Variants in ADCY5 observed in about 807,000 individuals in gnomAD.
ADCY5 encodes adenylate cyclase type 5.
In ADCY5, 30 loss-of-function variants were observed where a neutral mutation model predicts 119.7. That is an observed-to-expected ratio of 0.25 (90% CI 0.19 to 0.34). The LOEUF is 0.34. ADCY5 is among the 10% of genes least tolerant of loss of function. The pLI, the probability that ADCY5 is intolerant of heterozygous loss-of-function variation, is 1.00. For missense variants in ADCY5, 1,324 were observed against 1,775.2 expected (o/e 0.75, Z 4.57); for synonymous variants, 753 against 762.2 (o/e 0.99, Z 0.20).
At chr3:123,331,127 G>A in intron 4 of ADCY5, 111 bp from the exon 5 acceptor site, 1 of 1,266,756 alleles carries the variant, frequency 7.9e-7, no homozygotes, top group Non-Finnish European at 1.1e-6. Context: ...TTGCCTTTTA[G>A]GGCAGTGAGC....
At chr3:123,381,026 C>A (rs1472206645) in intron 1 of ADCY5, among the ~76,000 whole-genome samples, 1 of 152,174 alleles carries the variant, frequency 6.6e-6, no homozygotes, top group Non-Finnish European at 1.5e-5. Context: ...TCAGTTTTGT[C>A]ATATGTATCA....
intron 4 of ADCY5, 145 bp downstream of exon 4, chr3:123,332,419 C>T: frequency 1.5e-6 from 1 of 648,092 alleles, no homozygotes; most frequent in Non-Finnish European, 2.8e-6. Flanking sequence ...CTAAGGGTCC[C>T]CTCTGCCCAT....
chr3:123,433,761 C>T (rs1186016756), intron 1 of ADCY5, among the ~76,000 whole-genome samples: 2 of 152,174 alleles, frequency 1.3e-5, no homozygotes, highest in African/African-American at 4.8e-5. Flanking sequence ...AGCCTCCTCC[C>T]TTCCCTCCCT....
At chr3:123,323,574 C>A (rs1373175296) in intron 8 of ADCY5, among the ~76,000 whole-genome samples, 1 of 152,064 alleles carries the variant, frequency 6.6e-6, no homozygotes, top group Non-Finnish European at 1.5e-5. Context: ...CCCTCCACTT[C>A]CTGCTCAATG....
In ADCY5 at chr3:123,345,757, G is replaced by GACACACAC. The variant is rs1231817435; in HGVS notation, c.1406+2024_1406+2025insGTGTGTGT. 1.6e-3 allele frequency among the ~76,000 whole-genome samples: 99 copies of GACACACAC among 61,100 alleles called. 4 individuals carry two copies. In the South Asian group the frequency reaches 0.031, roughly 19 times the overall value. 40.1% of individuals were successfully genotyped at this position (61,100 alleles called of 152,430 possible). On this transcript the variant is annotated intron_variant, in intron 3 of 20. Coordinates refer to ENST00000462833, the MANE Select transcript of ADCY5 (RefSeq NM_183357.3). The stretch of plus-strand genomic sequence containing the variant: ...AGAGAGACAGACAGACAGACAGACA[G>GACACACAC]ACAGACAGACAGACACACACACACA...
chr3:123,402,326 G>C (rs1300730706), intron 1 of ADCY5, among the ~76,000 whole-genome samples: 3 of 152,266 alleles, frequency 2.0e-5, no homozygotes, highest in Non-Finnish European at 4.4e-5. Context: ...AGCAGACCCA[G>C]AGGTGGAATG....
At chr3:123,291,406 A>G in intron 17 of ADCY5, 30 bp from the exon 18 acceptor site, 4 of 1,590,788 alleles carry the variant, frequency 2.5e-6, no homozygotes, top group Non-Finnish European at 3.4e-6. Flanking sequence ...AGTCACCCAG[A>G]TGCCAATGTG....
intron 19 of ADCY5, among the ~76,000 whole-genome samples, 187 bp downstream of exon 19, chr3:123,289,563 C>T (rs144549491): frequency 1.1e-4 from 17 of 152,372 alleles, no homozygotes; most frequent in African/African-American, 3.6e-4. Flanking sequence ...GGGCGGATTC[C>T]GCTGTGAATG....
intron 13 of ADCY5, 75 bp from the exon 14 acceptor site, chr3:123,303,294 C>A: frequency 6.8e-7 from 1 of 1,461,860 alleles, no homozygotes; most frequent in South Asian, 1.3e-5. Context: ...GCCCACCAGG[C>A]CGCAGGCTCC....
At chr3:123,323,302 C>G (rs1941314401) in intron 8 of ADCY5, among the ~76,000 whole-genome samples, 1 of 152,222 alleles carries the variant, frequency 6.6e-6, no homozygotes, top group East Asian at 1.9e-4. Flanking sequence ...ACTGCAAATT[C>G]TTCCAAAATT....
At chr3:123,424,726 T>C (rs574788119) in intron 1 of ADCY5, among the ~76,000 whole-genome samples, 168 of 152,262 alleles carry the variant, frequency 1.1e-3, no homozygotes, top group African/African-American at 3.9e-3. Flanking sequence ...CACACTGGCT[T>C]TTCTAATGGG....
chr3:123,386,444 G>T (rs1041441490), intron 1 of ADCY5, among the ~76,000 whole-genome samples: 1 of 152,220 alleles, frequency 6.6e-6, no homozygotes, highest in Admixed American at 6.5e-5. Context: ...TCTCTGGAAG[G>T]AACTGGGGTG....
chr3:123,297,269 C>G, intron 16 of ADCY5, 84 bp downstream of exon 16: 2 of 1,553,822 alleles, frequency 1.3e-6, no homozygotes, highest in Non-Finnish European at 8.9e-7. Flanking sequence ...CACCAAGGCC[C>G]CTCCCACCTG....
intron 1 of ADCY5, among the ~76,000 whole-genome samples, chr3:123,424,634 C>T (rs1417042863): frequency 1.3e-5 from 2 of 152,180 alleles, no homozygotes; most frequent in Non-Finnish European, 2.9e-5. Context: ...ACCACCCTTA[C>T]AGCCCTTCCT....
chr3:123,328,945 G>T (rs942938984), intron 5 of ADCY5, 143 bp from the exon 6 acceptor site: 3 of 925,264 alleles, frequency 3.2e-6, no homozygotes, highest in Non-Finnish European at 4.8e-6. Context: ...GTCCAAGAAC[G>T]TTCAGCCTGA....
At chr3:123,446,442 C>T (rs1307385597) in intron 1 of ADCY5, among the ~76,000 whole-genome samples, 1 of 152,116 alleles carries the variant, frequency 6.6e-6, no homozygotes, top group African/African-American at 2.4e-5. Flanking sequence ...AGTGGAGCAG[C>T]ATGCAAACAA....
intron 3 of ADCY5, among the ~76,000 whole-genome samples, chr3:123,335,435 C>T (rs1358084925): frequency 6.6e-6 from 1 of 152,212 alleles, no homozygotes; most frequent in African/African-American, 2.4e-5. Flanking sequence ...AACTCGTTCG[C>T]ACCTCATAAC....
At chr3:123,409,705 T>C (rs546367778) in intron 1 of ADCY5, among the ~76,000 whole-genome samples, 2 of 152,260 alleles carry the variant, frequency 1.3e-5, no homozygotes, top group South Asian at 2.1e-4. Context: ...CAGCAAGCTC[T>C]CCAGGAGGTT....
chr3:123,291,385 A>G lies in ADCY5; in HGVS notation c.3064-9T>C. 1 of 1,602,438 alleles carries G rather than the reference A, an allele frequency of 6.2e-7. No homozygotes were observed. The highest frequency in any genetic ancestry group is 8.5e-7 in the Non-Finnish European group (1 of 1,171,292). On this transcript the variant is annotated splice_polypyrimidine_tract_variant and intron_variant, in intron 17 of 20. Transcript: ENST00000462833. ...TCTTTCTCCTCTGTGGCCTGAGAGA[A>G]AAAGACTGCAAGTCACCCAGATGCC...
Sources: allele counts gnomAD v4.1 joint callset (sites outside exome capture counted in the v4.1 genomes callset), GRCh38; gene constraint gnomAD v4.1.1; transcripts MANE v1.5; gene names NCBI Gene and HGNC (gene_info 2026-07-23, HGNC 2026-07-21).